Variants in RAPGEF6 observed in about 807,000 individuals in gnomAD.
RAPGEF6 encodes the protein PDZ domain containing guanine nucleotide exchange factor (GEF) 2.
RAPGEF6 carries 56 observed loss-of-function variants against 171.4 expected under a neutral mutation model. That is an observed-to-expected ratio of 0.33 (90% CI 0.26 to 0.41). RAPGEF6 has a LOEUF of 0.41. Ranked by LOEUF, RAPGEF6 falls within the 10% of genes least tolerant of loss-of-function variation. The pLI is 1.00. For synonymous variants in RAPGEF6, 692 were observed against 650.1 expected, an observed-to-expected ratio of 1.06 and a Z score of -0.98; for missense variants, 1,674 against 1,921.4, an observed-to-expected ratio of 0.87 and a Z score of 2.41.
chr5:131,439,691 A>G lies in RAPGEF6; in HGVS notation c.3635T>C (p.Leu1212Ser), dbSNP rs1312791209. The G allele has an allele frequency of 1.2e-6, 2 of 1,611,652 alleles. No individual in the cohort carries two copies. The highest frequency in any genetic ancestry group is 2.7e-5 in the African/African-American group (2 of 74,864). ...ACCACTTATTTCTTCAGTTGTTCCT[A>G]AAACTTTCTGAGGTAAACTTGTATC... ...ALNTSLPQKV[L>S]GTTEEISGKK... The change falls in exon 24 of 28, where the codon TTA becomes TCA. Residue 1212 changes from leucine (L) to serine (S), a missense_variant. Around this residue, in one of 3 missense-constraint regions of RAPGEF6, gnomAD observed 552 missense variants for 574.2 expected, o/e 0.96. Coordinates refer to ENST00000509018, the MANE Select transcript of RAPGEF6 (RefSeq NM_016340.6).
chr5:131,616,540 C>T (rs1765275167), intron 1 of RAPGEF6, among the ~76,000 whole-genome samples: 1 of 152,172 alleles, frequency 6.6e-6, no homozygotes, highest in Non-Finnish European at 1.5e-5. Flanking sequence ...TTGGAAAACT[C>T]AAACTGGGAT....
intron 17 of RAPGEF6, among the ~76,000 whole-genome samples, chr5:131,469,045 G>A (rs1468618469): frequency 6.6e-6 from 1 of 152,164 alleles, no homozygotes; most frequent in Admixed American, 6.5e-5. Context: ...AGGCAATACT[G>A]TAAATGTCTA....
intron 23 of RAPGEF6, 75 bp downstream of exon 23, chr5:131,442,274 T>A: frequency 1.5e-6 from 2 of 1,359,914 alleles, no homozygotes; most frequent in Non-Finnish European, 2.0e-6. Flanking sequence ...CTCCTGAACA[T>A]CTGTAATTAT....
chr5:131,442,494 T>A lies in RAPGEF6; in HGVS notation c.3465A>T (p.Glu1155Asp). Residue 1155 changes from glutamate to aspartate, a missense_variant, in exon 23 of 28, where the codon GAA becomes GAT. Transcript: ENST00000509018. The part of the protein sequence containing the change: ...LSEKRSAKSS[E>D]MSPVPMRSAG... ...CTGACCTCATAGGCACTGGAGACAT[T>A]TCAGATGATTTGGCTGATCTTTTCT... 6.2e-7 allele frequency: 1 copy of A among 1,614,154 alleles called. No homozygotes were observed. Among genetic ancestry groups the A allele is most frequent in the Non-Finnish European group, 8.5e-7 (1 of 1,180,010 alleles).
chr5:131,438,751 C>T (rs1205560232), intron 24 of RAPGEF6, among the ~76,000 whole-genome samples: 1 of 152,054 alleles, frequency 6.6e-6, no homozygotes, highest in African/African-American at 2.4e-5. Flanking sequence ...CGTAAATGAA[C>T]AAGAATTTCA....
In RAPGEF6 at chr5:131,507,701, C is replaced by A. The variant is rs560736511; in HGVS notation, c.942+370G>T. On this transcript the variant is annotated intron_variant, in intron 9 of 27. Coordinates refer to ENST00000509018, the MANE Select transcript of RAPGEF6 (RefSeq NM_016340.6). ...ATAGAAATAAGGAATAAGAAAAATT[C>A]TTGATAAACATTTTAAACAATAATG... 4.6e-5 allele frequency among the ~76,000 whole-genome samples: 7 copies of A among 151,998 alleles called. No individual in the cohort carries two copies. In the South Asian group the frequency reaches 1.5e-3, roughly 32 times the overall value.
In RAPGEF6 at chr5:131,446,483, A is replaced by G; in HGVS notation, c.3421T>C (p.Leu1141=). 7.4e-6 allele frequency: 12 copies of G among 1,612,228 alleles called. No individual in the cohort carries two copies. The highest frequency in any genetic ancestry group is 2.7e-5 in the African/African-American group (2 of 75,032). The change falls in exon 22 of 28, where the codon TTG becomes CTG. Residue 1141 remains leucine, a splice_region_variant and synonymous_variant. Transcript: ENST00000509018. Reference sequence around the variant, plus strand: ...CACATAAATGAAAACTTGTACTCACAGGTACCATATGCAGGCTCCCACTGT... The same window carrying G: ...CACATAAATGAAAACTTGTACTCACGGGTACCATATGCAGGCTCCCACTGT... ...SLQWEPAYGT[L]TKNLSEKRSA...
intron 4 of RAPGEF6, among the ~76,000 whole-genome samples, chr5:131,567,695 G>GA (rs893209235): frequency 1.3e-4 from 20 of 151,284 alleles, no homozygotes; most frequent in African/African-American, 4.6e-4. Flanking sequence ...CATAAATCTT[G>GA]AAAAAAAAGA....
Position 131,558,630 on chromosome 5 carries a change from T to C in RAPGEF6, c.351+3348A>G, listed in dbSNP as rs182313441. Among the ~76,000 whole-genome samples the C allele has an allele frequency of 3.2e-3, 486 of 152,316 alleles. 3 individuals carry two copies. The highest frequency in any genetic ancestry group is 0.011 in the African/African-American group (462 of 41,592). On this transcript the variant is annotated intron_variant, in intron 5 of 27. Coordinates refer to ENST00000509018, the MANE Select transcript of RAPGEF6 (RefSeq NM_016340.6). The stretch of plus-strand genomic sequence containing the variant: ...ATTTCACAACAAGAAAGGCTTACGC[T>C]GAATTCTACACATTTTAATAGGTCA...
At chr5:131,570,427 A>G (rs1341883919) in intron 4 of RAPGEF6, among the ~76,000 whole-genome samples, 4 of 152,244 alleles carry the variant, frequency 2.6e-5, no homozygotes, top group African/African-American at 9.6e-5. Context: ...ATGTACTTAC[A>G]TAACACAGCA....
intron 4 of RAPGEF6, among the ~76,000 whole-genome samples, chr5:131,574,199 C>T (rs1039885965): frequency 1.3e-5 from 2 of 152,212 alleles, no homozygotes; most frequent in Non-Finnish European, 2.9e-5. Flanking sequence ...TCCTTCTAAG[C>T]TGTGCCCTAT....
At chr5:131,596,186 A>G (rs1182856487) in intron 3 of RAPGEF6, among the ~76,000 whole-genome samples, 6 of 149,822 alleles carry the variant, frequency 4.0e-5, no homozygotes, top group Admixed American at 2.0e-4. Flanking sequence ...AAGGATAGAA[A>G]AAGACATCCA....
intron 6 of RAPGEF6, among the ~76,000 whole-genome samples, chr5:131,528,334 TATATAC>T (rs1561538467): frequency 7.9e-5 from 3 of 37,988 alleles, no homozygotes; most frequent in African/African-American, 7.1e-5. Flanking sequence ...TATATATATA[TATATAC>T]ACACACACAC....
chr5:131,504,537 T>C (rs1757226917), intron 11 of RAPGEF6, 89 bp downstream of exon 11: 4 of 1,283,292 alleles, frequency 3.1e-6, no homozygotes, highest in Non-Finnish European at 4.3e-6. Context: ...TGAATTATCT[T>C]GCATTACTTA....
chr5:131,449,776 T>C (rs1473005774), intron 21 of RAPGEF6, among the ~76,000 whole-genome samples: 3 of 152,184 alleles, frequency 2.0e-5, no homozygotes, highest in Admixed American at 6.5e-5. Context: ...ATTATCATCA[T>C]CTAACTGACC....
intron 4 of RAPGEF6, among the ~76,000 whole-genome samples, chr5:131,585,043 G>C (rs1276269009): frequency 6.6e-6 from 1 of 152,060 alleles, no homozygotes; most frequent in Admixed American, 6.6e-5. Flanking sequence ...AAGCATAAGG[G>C]CATAAGGAAA....
intron 4 of RAPGEF6, 100 bp from the exon 5 acceptor site, chr5:131,562,147 T>C: frequency 2.7e-6 from 2 of 753,850 alleles, no homozygotes; most frequent in South Asian, 1.8e-5. Context: ...CCCTGAGATA[T>C]TATCCAAGAA....
intron 1 of RAPGEF6, among the ~76,000 whole-genome samples, chr5:131,606,674 A>G (rs1026848935): frequency 5.9e-5 from 9 of 152,200 alleles, no homozygotes; most frequent in Admixed American, 2.6e-4. Context: ...CCTGGAATCT[A>G]TGTGCCCTCC....
chr5:131,438,334 T>C lies in RAPGEF6; in HGVS notation c.3745+1247A>G, dbSNP rs900618350. Among the ~76,000 whole-genome samples, 38 of 152,246 alleles carry C rather than the reference T, an allele frequency of 2.5e-4. 1 individual carries two copies. The highest frequency in any genetic ancestry group is 6.8e-3 in the Middle Eastern group (2 of 294). On this transcript the variant is annotated intron_variant, in intron 24 of 27. Coordinates refer to ENST00000509018, the MANE Select transcript of RAPGEF6 (RefSeq NM_016340.6). ...AACACAGCTACAGTGGAGGACAGAA[T>C]CACGGTTCAAACTCAGGTCTGACAT...
Sources: gnomAD v4.1 joint callset for allele counts (sites outside exome capture counted in the v4.1 genomes callset) on GRCh38, gnomAD v4.1.1 for gene constraint, gnomAD v4.1.1 regional missense constraint, MANE v1.5 for transcripts, NCBI Gene and HGNC (gene_info 2026-07-23, HGNC 2026-07-21) for gene names.